ACTN3: variants seen among roughly 807,000 people sequenced by gnomAD.
ACTN3 encodes actinin alpha 3, also known as alpha-actinin-3.
ACTN3 carries 91 observed loss-of-function variants against 119.6 expected under a neutral mutation model. The ratio of observed to expected loss-of-function variants is 0.76; its 90% CI spans 0.64 to 0.91. ACTN3 has a LOEUF of 0.91. Among genes scored for constraint, ACTN3 ranks in the 40% least tolerant of loss-of-function variants. ACTN3 has a pLI of 0.00. For synonymous variants in ACTN3, 456 were observed against 478.8 expected, an observed-to-expected ratio of 0.95 and a Z score of 0.62; for missense variants, 1,221 against 1,215.1, an observed-to-expected ratio of 1.00 and a Z score of -0.07.
Position 66,554,551 on chromosome 11 carries a change from A to C in ACTN3, c.485A>C (p.Glu162Ala). ...DISVEETSAK[E>A]GLLLWCQRKT... ...CCCGACCCAGAAACCTCAGCCAAGGAAGGCTTGCTTCTGTGGTGCCAGAGG... is the reference window on the plus strand; with the variant it reads ...CCCGACCCAGAAACCTCAGCCAAGGCAGGCTTGCTTCTGTGGTGCCAGAGG... Residue 162 changes from glutamate (E) to alanine (A), a missense_variant, in exon 5 of 21, where the codon GAA becomes GCA. By Grantham distance (107) the Glu-to-Ala change is moderately radical (BLOSUM62 -1). Coordinates refer to ENST00000513398, the MANE Select transcript of ACTN3 (RefSeq NM_001104.4). 6.2e-7 allele frequency: 1 copy of C among 1,610,870 alleles called. No homozygotes were observed. The highest frequency in any genetic ancestry group is 8.5e-7 in the Non-Finnish European group (1 of 1,178,298).
chr11:66,558,001 G>A (rs1415590035), intron 10 of ACTN3, 26 bp from the exon 11 acceptor site: 1 of 1,613,560 alleles, frequency 6.2e-7, no homozygotes, highest in Admixed American at 1.7e-5. Context: ...AAACCGTGAT[G>A]GAGCGCACCC....
chr11:66,546,915 GC>G lies in ACTN3; in HGVS notation c.-22del. On this transcript the variant is annotated 5_prime_UTR_variant, in exon 1 of 21. Coordinates refer to ENST00000513398, the MANE Select transcript of ACTN3 (RefSeq NM_001104.4). ...GGTGTCCGAGAGCGTGCCGAGCGGA[GC>G]GAAGCCAGGAGCCCGATCGAGATGA... 6.5e-7 allele frequency: 1 copy of G among 1,532,616 alleles called. No homozygotes were observed. Among genetic ancestry groups the G allele is most frequent in the Non-Finnish European group, 8.7e-7 (1 of 1,143,428 alleles). 94.9% of individuals were successfully genotyped at this position (1,532,616 alleles called of 1,614,324 possible).
chr11:66,547,401 G>T (rs1056976304), intron 1 of ACTN3, among the ~76,000 whole-genome samples: 1 of 150,818 alleles, frequency 6.6e-6, no homozygotes, highest in Non-Finnish European at 1.5e-5. Flanking sequence ...GTTAGGGGGG[G>T]TTCAGAAAGA....
chr11:66,555,806 G>A (rs1857579224), intron 7 of ACTN3, among the ~76,000 whole-genome samples: 1 of 152,230 alleles, frequency 6.6e-6, no homozygotes, highest in Non-Finnish European at 1.5e-5. Context: ...TGAGGAGCTT[G>A]TGGACTTGGG....
Position 66,554,624 on chromosome 11 carries a change from G to A in ACTN3, c.557+1G>A. 2 of 1,609,424 alleles carry A rather than the reference G, an allele frequency of 1.2e-6. No homozygotes were observed. Among genetic ancestry groups the A allele is most frequent in the Middle Eastern group, 1.7e-4 (1 of 6,058 alleles). On this transcript the variant is annotated splice_donor_variant, in intron 5 of 20. Transcript: ENST00000513398. LOFTEE classifies it high-confidence loss of function. ...TCAACGTGCAGAACTTCCACACCAG[G>A]TCTGTCAGGTGGTTACCAAATGTGT... is the stretch of plus-strand genomic sequence containing the variant.
At chr11:66,562,695 G>A (rs2134944650) in intron 19 of ACTN3, 101 bp from the exon 20 acceptor site, 1 of 1,324,484 alleles carries the variant, frequency 7.6e-7, no homozygotes, top group South Asian at 1.4e-5. Flanking sequence ...CTTGTTACTG[G>A]GGCTCTGCTA....
chr11:66,550,992 G>A (rs1857456413), intron 1 of ACTN3: 4 of 627,472 alleles, frequency 6.4e-6, no homozygotes, highest in South Asian at 3.0e-5. Flanking sequence ...GCTGGTGGCC[G>A]GGTGCCCCAA....
intron 3 of ACTN3, 121 bp downstream of exon 3, chr11:66,551,768 G>A (rs1232629400): frequency 5.1e-5 from 74 of 1,438,364 alleles, no homozygotes; most frequent in Non-Finnish European, 6.9e-5. Context: ...TGCCTCGCAA[G>A]AGAGCCTGTA....
intron 9 of ACTN3, 30 bp from the exon 10 acceptor site, chr11:66,557,669 G>C: frequency 1.3e-6 from 2 of 1,586,828 alleles, no homozygotes; most frequent in Non-Finnish European, 1.7e-6. Flanking sequence ...GCGCAGAGCT[G>C]TCTGCCTTGC....
chr11:66,563,122 T>G lies in ACTN3; in HGVS notation c.2635T>G (p.Ser879Ala). 2 of 1,613,358 alleles carry G rather than the reference T, an allele frequency of 1.2e-6. No individual in the cohort carries two copies. Among genetic ancestry groups the G allele is most frequent in the Non-Finnish European group, 1.7e-6 (2 of 1,179,726 alleles). ...CCGCCGTATGGTGCCCTACAAGGGA[T>G]CCGGGGCCCCGGCTGGAGCCCTGGA... Reference protein sequence around the residue: ...CIRRMVPYKGSGAPAGALDYV... With the variant: ...CIRRMVPYKGAGAPAGALDYV... The change falls in exon 21 of 21, where the codon TCC (serine) becomes GCC (alanine). Residue 879 changes from serine (S) to alanine (A), a missense_variant. Around this residue, in one of 3 missense-constraint regions of ACTN3, gnomAD observed 934 missense variants for 899.9 expected, o/e 1.04. Transcript: ENST00000513398.
rs1857624309 is a variant in ACTN3, at chr11:66,557,785, G to A, written c.984G>A (p.Glu328=). The A allele has an allele frequency of 3.7e-6, 6 of 1,613,874 alleles. No homozygotes were observed. Among genetic ancestry groups the A allele is most frequent in the Non-Finnish European group, 5.1e-6 (6 of 1,179,900 alleles). ...PSMSAMQRKL[E]DFRDYRRLHK... ...TGAGTGCCATGCAGCGCAAACTAGA[G>A]GACTTTCGGGACTACCGGCGTCTGC... Residue 328 remains glutamate (E), a synonymous_variant, in exon 10 of 21, where the codon GAG becomes GAA. Transcript: ENST00000513398.
At chr11:66,561,133 A>G in intron 15 of ACTN3, 94 bp from the exon 16 acceptor site, 1 of 1,432,420 alleles carries the variant, frequency 7.0e-7, no homozygotes, top group Admixed American at 2.9e-5. Flanking sequence ...GCTCAAAGCA[A>G]CAGGGGCTGA....
In ACTN3 at chr11:66,556,211, C is replaced by A. The variant is rs1187353660; in HGVS notation, c.785C>A (p.Ala262Asp). Residue 262 changes from alanine to aspartate, a missense_variant, in exon 8 of 21, where the codon GCC becomes GAC. This residue lies in a region of ACTN3 where 934 missense variants were observed against 899.9 expected (regional missense o/e 1.04). Coordinates refer to ENST00000513398, the MANE Select transcript of ACTN3 (RefSeq NM_001104.4). ...ACCTATGTGTCCTGCTTCTACCATG[C>A]CTTTGCCGGGGCTGAGCAGGTAAGG... is the stretch of plus-strand genomic sequence containing the variant. ...IMTYVSCFYH[A>D]FAGAEQAETA... is the part of the protein sequence containing the mutation. 6.2e-6 allele frequency: 10 copies of A among 1,613,732 alleles called. No individual in the cohort carries two copies. In the Admixed American group the frequency reaches 1.5e-4, roughly 24 times the overall value.
chr11:66,558,253 G>A, intron 11 of ACTN3, 79 bp downstream of exon 11: 1 of 1,572,800 alleles, frequency 6.4e-7, no homozygotes, highest in South Asian at 1.1e-5. Flanking sequence ...GGAGGTTCTT[G>A]GCAAAATGCA....
intron 19 of ACTN3, among the ~76,000 whole-genome samples, 184 bp downstream of exon 19, chr11:66,562,506 C>T (rs968053157): frequency 6.6e-6 from 1 of 152,146 alleles, no homozygotes. Flanking sequence ...GACCCAAAGT[C>T]TGAGCTTGCA....
At chr11:66,551,499 T>G in intron 2 of ACTN3, 29 bp from the exon 3 acceptor site, 1 of 1,608,570 alleles carries the variant, frequency 6.2e-7, no homozygotes, top group Non-Finnish European at 8.5e-7. Context: ...TCATGACCTT[T>G]GGCCCTTGGC....
At chr11:66,562,622 T>C (rs1470502315) in intron 19 of ACTN3, 174 bp from the exon 20 acceptor site, 1 of 310,056 alleles carries the variant, frequency 3.2e-6, no homozygotes, top group African/African-American at 2.3e-5. Flanking sequence ...AGGATGCAGA[T>C]TTCAGCCTAC....
Position 66,554,152 on chromosome 11 carries a change from T to A in ACTN3, c.469+21T>A, listed in dbSNP as rs565750752. The A allele has an allele frequency of 1.7e-5, 28 of 1,610,888 alleles. No homozygotes were observed. The Admixed American group carries it at 3.7e-4, about 21-fold the overall frequency. On this transcript the variant is annotated intron_variant, in intron 4 of 20. Coordinates refer to ENST00000513398, the MANE Select transcript of ACTN3 (RefSeq NM_001104.4). ...GGAAGGTGAGCAATGGGAAAGGAGG[T>A]TGGGGCCAGGTGCAGTGGCTGGGGC...
At position 66,562,113 on chromosome 11, in the gene ACTN3, G is replaced by A; in HGVS notation, c.2267G>A (p.Gly756Glu). ...CAGGTACTGACCCGAGACGCCAAGG[G>A]ACTGAGCCAGGAGCAGCTCAACGAG... ...ENQVLTRDAKGLSQEQLNEFR... is the reference protein window; with the variant it reads ...ENQVLTRDAKELSQEQLNEFR... The change falls in exon 18 of 21, where the codon GGA (glycine) becomes GAA (glutamate). Residue 756 changes from glycine (G) to glutamate (E), a missense_variant. By Grantham distance (98) the Gly-to-Glu change is moderately conservative. Around this residue, in one of 3 missense-constraint regions of ACTN3, gnomAD observed 934 missense variants for 899.9 expected, o/e 1.04. Transcript: ENST00000513398. 2.5e-6 allele frequency: 4 copies of A among 1,614,048 alleles called. No individual in the cohort carries two copies. The highest frequency in any genetic ancestry group is 3.4e-6 in the Non-Finnish European group (4 of 1,179,986).
Sources: allele counts gnomAD v4.1 joint callset (sites outside exome capture counted in the v4.1 genomes callset), GRCh38; gene constraint gnomAD v4.1.1; regional missense constraint gnomAD v4.1.1; transcripts MANE v1.5; gene names NCBI Gene and HGNC (gene_info 2026-07-23, HGNC 2026-07-21).